The following VPS13B variants were observed in gnomAD, a reference collection of about 807,000 sequenced individuals.
VPS13B encodes the protein intermembrane lipid transfer protein VPS13B.
Under a neutral mutation model 426.4 loss-of-function variants are expected in VPS13B, and 285 were observed. The observed-to-expected ratio is 0.67, with a 90% CI of 0.61 to 0.74. VPS13B has a LOEUF of 0.74. VPS13B is among the 30% of genes least tolerant of loss of function. The pLI, the probability that VPS13B is intolerant of heterozygous loss-of-function variation, is 0.00. For missense variants in VPS13B, 4,537 were observed against 4,782.6 expected (o/e 0.95, Z 1.51); for synonymous variants, 1,676 against 1,676.4 (o/e 1.00, Z 0.01).
At position 99,778,835 on chromosome 8, in the gene VPS13B, A is replaced by T; in HGVS notation, c.7583A>T (p.Asp2528Val). 6.2e-7 allele frequency: 1 copy of T among 1,614,050 alleles called. No individual in the cohort carries two copies. Among genetic ancestry groups the T allele is most frequent in the Non-Finnish European group, 8.5e-7 (1 of 1,179,936 alleles). ...CQEIQFLAQA[D>V]CKLLECRNVT... ...GAGATCCAGTTCTTAGCTCAAGCAG[A>T]CTGTAAACTTCTAGAGTGCAGAAAT... The change falls in exon 42 of 62, where the codon GAC (aspartate) becomes GTC (valine). Residue 2528 changes from aspartate (D) to valine (V), a missense_variant. Coordinates refer to ENST00000357162, the MANE Select transcript of VPS13B (RefSeq NM_152564.5).
intron 23 of VPS13B, among the ~76,000 whole-genome samples, chr8:99,452,020 T>C (rs780506589): frequency 2.0e-4 from 31 of 152,236 alleles, no homozygotes; most frequent in Admixed American, 2.6e-4. Flanking sequence ...TGCAATCCTT[T>C]TGATGGCTTC....
chr8:99,362,711 A>G (rs1247618263), intron 19 of VPS13B, among the ~76,000 whole-genome samples: 1 of 152,222 alleles, frequency 6.6e-6, no homozygotes, highest in Non-Finnish European at 1.5e-5. Context: ...AAATCTGTTC[A>G]TCTGCTGATG....
At chr8:99,101,348 G>C (rs531066114) in intron 4 of VPS13B, among the ~76,000 whole-genome samples, 1 of 152,224 alleles carries the variant, frequency 6.6e-6, no homozygotes, top group African/African-American at 2.4e-5. Flanking sequence ...CAGCCAGGAT[G>C]GTCTCCATCT....
chr8:99,262,542 C>G (rs962772699), intron 17 of VPS13B, among the ~76,000 whole-genome samples: 2 of 151,968 alleles, frequency 1.3e-5, no homozygotes, highest in Non-Finnish European at 2.9e-5. Flanking sequence ...GATAAATCTT[C>G]CCCTCATTTC....
intron 21 of VPS13B, among the ~76,000 whole-genome samples, chr8:99,410,782 CA>C (rs1815606288): frequency 6.6e-6 from 1 of 152,008 alleles, no homozygotes; most frequent in Admixed American, 6.6e-5. Context: ...TCTTGTTGTT[CA>C]ACTCCCACTT....
intron 16 of VPS13B, among the ~76,000 whole-genome samples, chr8:99,184,071 T>C (rs902768342): frequency 6.6e-6 from 1 of 152,232 alleles, no homozygotes; most frequent in Non-Finnish European, 1.5e-5. Context: ...TTCTTTTTAT[T>C]GCTAAATAGT....
intron 17 of VPS13B, among the ~76,000 whole-genome samples, chr8:99,211,866 C>A (rs1426829959): frequency 1.3e-5 from 2 of 152,082 alleles, no homozygotes. Context: ...TTTTGCCAAT[C>A]AAAGCAATTG....
chr8:99,583,026 C>T (rs923121026), intron 33 of VPS13B, among the ~76,000 whole-genome samples: 2 of 152,184 alleles, frequency 1.3e-5, no homozygotes, highest in East Asian at 1.9e-4. Context: ...ACGCACACCC[C>T]ATTCCCATCA....
chr8:99,014,035 C>G, intron 2 of VPS13B, 100 bp downstream of exon 2: 2 of 1,454,124 alleles, frequency 1.4e-6, no homozygotes, highest in South Asian at 1.2e-5. Context: ...AAAAACGTAA[C>G]TTTTCTACTG....
At chr8:99,697,006 G>C in intron 35 of VPS13B, 1 of 596,262 alleles carries the variant, frequency 1.7e-6, no homozygotes. Flanking sequence ...TGAGGTATGT[G>C]GGCCCTCCGC....
intron 19 of VPS13B, among the ~76,000 whole-genome samples, chr8:99,353,276 G>A (rs970807541): frequency 5.3e-5 from 8 of 152,078 alleles, no homozygotes; most frequent in South Asian, 2.1e-4. Context: ...GAGCCACCAC[G>A]CCCGACCACA....
At chr8:99,267,687 ACT>A (rs2132971094) in intron 17 of VPS13B, among the ~76,000 whole-genome samples, 1 of 151,898 alleles carries the variant, frequency 6.6e-6, no homozygotes, top group South Asian at 2.1e-4. Flanking sequence ...AGATCTTGCC[ACT>A]GCACTCCAGC....
Position 99,818,525 on chromosome 8 carries a change from A to G in VPS13B, c.8436A>G (p.Gln2812=), listed in dbSNP as rs1030751173. The change falls in exon 46 of 62, where the codon CAA becomes CAG. Residue 2812 remains glutamine (Q), a synonymous_variant. Coordinates refer to ENST00000357162, the MANE Select transcript of VPS13B (RefSeq NM_152564.5). ...CTTTAGAACCCAACTCTCAAGTGCA[A>G]CAACGAATGGTGAGTGCTTTCCCAA... ...VLTLEPNSQV[Q]QRMIVFSPLF... The G allele has an allele frequency of 6.2e-7, 1 of 1,613,932 alleles. No individual in the cohort carries two copies. The highest frequency in any genetic ancestry group is 8.5e-7 in the Non-Finnish European group (1 of 1,179,944).
At chr8:99,857,901 C>T (rs769807269) in intron 56 of VPS13B, among the ~76,000 whole-genome samples, 4 of 152,190 alleles carry the variant, frequency 2.6e-5, no homozygotes, top group Non-Finnish European at 5.9e-5. Flanking sequence ...CTCCTTTGCC[C>T]TAAACCCTAG....
chr8:99,207,068 G>A (rs1332874355), intron 17 of VPS13B, among the ~76,000 whole-genome samples: 2 of 152,054 alleles, frequency 1.3e-5, no homozygotes, highest in African/African-American at 4.8e-5. Flanking sequence ...GAGTTTTAAG[G>A]TGTCCCTATA....
intron 23 of VPS13B, among the ~76,000 whole-genome samples, chr8:99,446,905 T>C (rs190208597): frequency 1.2e-3 from 185 of 152,320 alleles, no homozygotes; most frequent in African/African-American, 3.7e-3. Flanking sequence ...TTGAACTTCA[T>C]AGCACTTATT....
At chr8:99,413,088 G>A (rs1815783688) in intron 21 of VPS13B, among the ~76,000 whole-genome samples, 2 of 152,180 alleles carry the variant, frequency 1.3e-5, no homozygotes, top group Admixed American at 6.5e-5. Context: ...GAGTTAGGAA[G>A]GAGTCCCTCT....
intron 33 of VPS13B, among the ~76,000 whole-genome samples, chr8:99,582,711 A>C (rs1332624255): frequency 6.6e-6 from 1 of 151,778 alleles, no homozygotes; most frequent in African/African-American, 2.4e-5. Context: ...GCAGGAGTGC[A>C]GTGGCGCAAT....
At chr8:99,544,891 A>G (rs1823881251) in intron 30 of VPS13B, among the ~76,000 whole-genome samples, 1 of 152,154 alleles carries the variant, frequency 6.6e-6, no homozygotes, top group African/African-American at 2.4e-5. Context: ...TTTAGATTTC[A>G]CCAAATCCTT....
Sources: gnomAD v4.1 joint callset for allele counts (sites outside exome capture counted in the v4.1 genomes callset) on GRCh38, gnomAD v4.1.1 for gene constraint, MANE v1.5 for transcripts, NCBI Gene and HGNC (gene_info 2026-07-23, HGNC 2026-07-21) for gene names.